Variants in ARHGAP15 observed in about 807,000 individuals in gnomAD.
ARHGAP15 encodes the protein rho GTPase-activating protein 15.
A neutral mutation model predicts 63.7 loss-of-function variants in ARHGAP15; 51 were observed. The observed-to-expected ratio is 0.80, with a 90% confidence interval of 0.64 to 1.01. ARHGAP15 has a LOEUF of 1.01. Among genes scored for constraint, ARHGAP15 ranks in the 50% least tolerant of loss-of-function variants. The pLI is 0.00. For missense variants in ARHGAP15, 560 were observed against 564.6 expected (o/e 0.99, Z 0.08); for synonymous variants, 191 against 193.8 (o/e 0.99, Z 0.12).
At chr2:143,199,562 T>C (rs1692023748) in intron 2 of ARHGAP15, among the ~76,000 whole-genome samples, 1 of 152,064 alleles carries the variant, frequency 6.6e-6, no homozygotes, top group South Asian at 2.1e-4. Flanking sequence ...TTCATTGTTT[T>C]CCCAGCCAGG....
At chr2:143,485,237 C>G (rs1464483772) in intron 8 of ARHGAP15, among the ~76,000 whole-genome samples, 1 of 152,092 alleles carries the variant, frequency 6.6e-6, no homozygotes, top group Non-Finnish European at 1.5e-5. Context: ...TGCTCTCCCT[C>G]CCCTTGCCCC....
chr2:143,319,343 G>T, intron 6 of ARHGAP15, among the ~76,000 whole-genome samples: 1 of 151,316 alleles, frequency 6.6e-6, no homozygotes, highest in East Asian at 1.9e-4. Flanking sequence ...TCCCACCTCA[G>T]CCTCCCGAGT....
chr2:143,201,628 G>A (rs1024532211), intron 2 of ARHGAP15, among the ~76,000 whole-genome samples: 2 of 152,108 alleles, frequency 1.3e-5, no homozygotes, highest in African/African-American at 4.8e-5. Flanking sequence ...CTTGGTGGTT[G>A]ATGCTGGCTG....
intron 5 of ARHGAP15, among the ~76,000 whole-genome samples, chr2:143,243,843 A>G (rs911942144): frequency 5.9e-5 from 9 of 152,170 alleles, no homozygotes; most frequent in Non-Finnish European, 1.2e-4. Context: ...GTGAAAATGA[A>G]CTACTTATTA....
chr2:143,389,970 A>G (rs1687466613), intron 6 of ARHGAP15, among the ~76,000 whole-genome samples: 1 of 151,516 alleles, frequency 6.6e-6, no homozygotes, highest in South Asian at 2.1e-4. Context: ...AATAATTTTC[A>G]TTTAAAAACA....
chr2:143,334,177 T>A (rs955392750), intron 6 of ARHGAP15, among the ~76,000 whole-genome samples: 2 of 152,176 alleles, frequency 1.3e-5, no homozygotes, highest in African/African-American at 4.8e-5. Flanking sequence ...CTAGAAAATA[T>A]AGTTATATTT....
intron 2 of ARHGAP15, among the ~76,000 whole-genome samples, chr2:143,196,075 T>G (rs1691875469): frequency 1.3e-5 from 2 of 152,114 alleles, no homozygotes; most frequent in Non-Finnish European, 2.9e-5. Flanking sequence ...AAAACTTAAT[T>G]ATGATCCATA....
At chr2:143,151,655 C>T (rs188733754) in intron 1 of ARHGAP15, among the ~76,000 whole-genome samples, 64 of 151,988 alleles carry the variant, frequency 4.2e-4, no homozygotes, top group African/African-American at 1.5e-3. Flanking sequence ...TAAGTGAATG[C>T]TGCAGTGGGT....
intron 12 of ARHGAP15, among the ~76,000 whole-genome samples, chr2:143,691,720 A>G (rs578172432): frequency 4.6e-5 from 7 of 152,352 alleles, no homozygotes; most frequent in Non-Finnish European, 2.9e-5. Context: ...ATATTCATTA[A>G]TAATTTCACT....
chr2:143,200,697 T>C (rs138745592), intron 2 of ARHGAP15, among the ~76,000 whole-genome samples: 11 of 152,150 alleles, frequency 7.2e-5, no homozygotes, highest in African/African-American at 2.4e-4. Context: ...TCTCTTTATG[T>C]TTTATTGTAG....
chr2:143,451,647 G>C (rs1031247182), intron 8 of ARHGAP15, among the ~76,000 whole-genome samples: 1 of 151,706 alleles, frequency 6.6e-6, no homozygotes, highest in Non-Finnish European at 1.5e-5. Flanking sequence ...AAGTTTGTTG[G>C]TCAGCTCAGA....
At chr2:143,760,346 A>C (rs1338334183) in intron 13 of ARHGAP15, among the ~76,000 whole-genome samples, 2 of 152,214 alleles carry the variant, frequency 1.3e-5, no homozygotes, top group Non-Finnish European at 1.5e-5. Context: ...AGTAACAAAC[A>C]GTAACTACTG....
At chr2:143,261,590 T>C (rs1427368834) in intron 6 of ARHGAP15, among the ~76,000 whole-genome samples, 1 of 151,828 alleles carries the variant, frequency 6.6e-6, no homozygotes, top group African/African-American at 2.4e-5. Flanking sequence ...CTCAGGTGAT[T>C]ACCAGCCTTG....
chr2:143,380,278 T>G (rs1320236510), intron 6 of ARHGAP15, among the ~76,000 whole-genome samples: 3 of 152,144 alleles, frequency 2.0e-5, no homozygotes, highest in Non-Finnish European at 4.4e-5. Flanking sequence ...GTTACTAACA[T>G]TTGGGCTGAC....
At chr2:143,206,277 T>C (rs1047647101) in intron 3 of ARHGAP15, among the ~76,000 whole-genome samples, 21 of 152,166 alleles carry the variant, frequency 1.4e-4, no homozygotes, top group African/African-American at 4.8e-4. Context: ...TATATCGTAC[T>C]TCTACTTAGA....
chr2:143,641,921 T>C (rs1680619417), intron 12 of ARHGAP15, among the ~76,000 whole-genome samples: 1 of 152,100 alleles, frequency 6.6e-6, no homozygotes, highest in African/African-American at 2.4e-5. Context: ...CTCAAAACGT[T>C]ACTTATAATA....
intron 3 of ARHGAP15, among the ~76,000 whole-genome samples, chr2:143,204,207 C>T (rs1045543966): frequency 6.6e-5 from 10 of 152,150 alleles, no homozygotes; most frequent in South Asian, 2.1e-4. Context: ...TACCCACTTT[C>T]GCTTTCTACT....
Position 143,424,328 on chromosome 2 carries a change from C to T in ARHGAP15, c.475-11273C>T, listed in dbSNP as rs190604013. Among the ~76,000 whole-genome samples, 284 of 152,052 alleles carry T rather than the reference C, an allele frequency of 1.9e-3. 2 individuals carry two copies. Among genetic ancestry groups the T allele is most frequent in the Non-Finnish European group, 2.8e-3 (192 of 67,948 alleles). Reference sequence around the variant, plus strand: ...AGGTCAGACCAGAAGTCACATTGGTCCGAATTGCAATAGAGTTACACATTA... The same window carrying T: ...AGGTCAGACCAGAAGTCACATTGGTTCGAATTGCAATAGAGTTACACATTA... On this transcript the variant is annotated intron_variant, in intron 6 of 13. Coordinates refer to ENST00000295095, the MANE Select transcript of ARHGAP15 (RefSeq NM_018460.4).
chr2:143,387,780 A>C (rs1009380978), intron 6 of ARHGAP15, among the ~76,000 whole-genome samples: 2 of 152,130 alleles, frequency 1.3e-5, no homozygotes, highest in African/African-American at 4.8e-5. Flanking sequence ...GCTACTCCAG[A>C]ACCCTTGTCA....
Sources: allele counts gnomAD v4.1 joint callset (sites outside exome capture counted in the v4.1 genomes callset), GRCh38; gene constraint gnomAD v4.1.1; transcripts MANE v1.5; gene names NCBI Gene and HGNC (gene_info 2026-07-23, HGNC 2026-07-21).